ZBTB16: variants seen among roughly 807,000 people sequenced by gnomAD.
The protein encoded by ZBTB16 is zinc finger and BTB domain containing 16.
Under a neutral mutation model 56.8 loss-of-function variants are expected in ZBTB16, and 8 were observed. The observed-to-expected ratio is 0.14, with a 90% CI of 0.08 to 0.25. ZBTB16 has a LOEUF of 0.25. Ranked by LOEUF, ZBTB16 falls within the 10% of genes least tolerant of loss-of-function variation. The probability of loss-of-function intolerance (pLI) is 1.00; values close to 1 mark genes in which losing one functional copy is unlikely to be tolerated. For missense variants in ZBTB16, 625 were observed against 903.0 expected (o/e 0.69, Z 3.95); for synonymous variants, 363 against 368.5 (o/e 0.98, Z 0.17).
At chr11:114,124,950 C>G (rs1362209755) in intron 2 of ZBTB16, among the ~76,000 whole-genome samples, 1 of 152,108 alleles carries the variant, frequency 6.6e-6, no homozygotes, top group Non-Finnish European at 1.5e-5. Context: ...GTCATGCTCA[C>G]TCTCTTGCTC....
chr11:114,082,652 G>C (rs1017697772), intron 2 of ZBTB16, among the ~76,000 whole-genome samples: 1 of 152,058 alleles, frequency 6.6e-6, no homozygotes, highest in Non-Finnish European at 1.5e-5. Flanking sequence ...CAGCTCCTAA[G>C]GAGACCTCTC....
intron 2 of ZBTB16, among the ~76,000 whole-genome samples, chr11:114,106,832 C>T (rs1940808667): frequency 6.6e-6 from 1 of 152,140 alleles, no homozygotes; most frequent in South Asian, 2.1e-4. Flanking sequence ...TTTTATCCTG[C>T]TTCCAAAATG....
chr11:114,235,629 C>CCTTCCTTTCTTTCTTT lies in ZBTB16; in HGVS notation c.1454-6535_1454-6534insCCTTTCTTTCTTTCTT, dbSNP rs767837990. Among the ~76,000 whole-genome samples the CCTTCCTTTCTTTCTTT allele has an allele frequency of 3.4e-3, 330 of 97,788 alleles. 2 individuals are homozygous for CCTTCCTTTCTTTCTTT. Among genetic ancestry groups the CCTTCCTTTCTTTCTTT allele is most frequent in the African/African-American group, 0.011 (273 of 24,090 alleles). 64.2% of individuals were successfully genotyped at this position (97,788 alleles called of 152,430 possible). On this transcript the variant is annotated intron_variant, in intron 4 of 6. Coordinates refer to ENST00000335953, the MANE Select transcript of ZBTB16 (RefSeq NM_006006.6). The stretch of plus-strand genomic sequence containing the variant: ...CTCTTTCTTTCTTTCCCTCTCCCTT[C>CCTTCCTTTCTTTCTTT]CTTTCTTTCTTTCTTTCTTTCTTTC...
intron 2 of ZBTB16, among the ~76,000 whole-genome samples, chr11:114,086,700 T>C (rs1357976909): frequency 6.6e-6 from 1 of 152,188 alleles, no homozygotes; most frequent in Non-Finnish European, 1.5e-5. Context: ...TTAAAAGGAA[T>C]ACTTGGGTGC....
chr11:114,102,545 C>T (rs1391948334), intron 2 of ZBTB16, among the ~76,000 whole-genome samples: 1 of 151,372 alleles, frequency 6.6e-6, no homozygotes, highest in African/African-American at 2.4e-5. Flanking sequence ...GGTAAGTCCC[C>T]CCCACCCCCC....
chr11:114,237,819 C>G (rs1392501320), intron 4 of ZBTB16, among the ~76,000 whole-genome samples: 1 of 152,174 alleles, frequency 6.6e-6, no homozygotes, highest in Non-Finnish European at 1.5e-5. Context: ...ATCTCCCCCA[C>G]TTTTCCATTT....
rs1944905296 is a variant in ZBTB16 at position 114,250,805 on chromosome 11, G to A, written c.*250G>A. ...GGTTTGCCTGATTTTCTGGGATGGGGTTGGGTATTTTGTTCACTCAAATGG... is the reference window on the plus strand; with the variant it reads ...GGTTTGCCTGATTTTCTGGGATGGGATTGGGTATTTTGTTCACTCAAATGG... On this transcript the variant is annotated 3_prime_UTR_variant, in exon 7 of 7. Coordinates refer to ENST00000335953, the MANE Select transcript of ZBTB16 (RefSeq NM_006006.6). This position sits in a 1 kb window ranked among gnomAD's most constrained non-coding sequence, Gnocchi z 6.0. 4 of 560,750 alleles carry A rather than the reference G, an allele frequency of 7.1e-6. No homozygotes were observed. The South Asian group carries it at 8.2e-5, about 11-fold the overall frequency. The allele number at this position is 560,750 out of a possible 1,614,324, so 34.7% of individuals were successfully genotyped here. A position where few individuals can be genotyped will look rare whatever the true frequency, so the allele number is the denominator to read the frequency against.
rs539740266 is a variant in ZBTB16, at chr11:114,162,633, C to T, written c.1366+6199C>T. Among the ~76,000 whole-genome samples, 12 of 152,320 alleles carry T rather than the reference C, an allele frequency of 7.9e-5. No homozygotes were observed. In the South Asian group the frequency reaches 1.2e-3, roughly 16 times the overall value. ...CCAGCTATCCCTTCTGGTTAGCTTC[C>T]TACCATCAGGGCAAACCCGGGAGAT... is the stretch of plus-strand genomic sequence containing the variant. On this transcript the variant is annotated intron_variant, in intron 3 of 6. Coordinates refer to ENST00000335953, the MANE Select transcript of ZBTB16 (RefSeq NM_006006.6).
chr11:114,171,860 A>G (rs1942977597), intron 3 of ZBTB16, among the ~76,000 whole-genome samples: 1 of 152,278 alleles, frequency 6.6e-6, no homozygotes. Flanking sequence ...CGAAGCAGAA[A>G]TGTGGTGTTT....
intron 2 of ZBTB16, among the ~76,000 whole-genome samples, chr11:114,104,528 T>C (rs1487631837): frequency 6.6e-6 from 1 of 152,166 alleles, no homozygotes; most frequent in Non-Finnish European, 1.5e-5. Context: ...CTGGGGCCTC[T>C]AGGGAAGAGT....
At chr11:114,138,548 A>G (rs1941858779) in intron 2 of ZBTB16, among the ~76,000 whole-genome samples, 1 of 151,750 alleles carries the variant, frequency 6.6e-6, no homozygotes, top group African/African-American at 2.4e-5. Flanking sequence ...CCTTGAAGGC[A>G]TTGCCTGTGT....
At chr11:114,137,587 C>T (rs776890388) in intron 2 of ZBTB16, among the ~76,000 whole-genome samples, 41 of 152,234 alleles carry the variant, frequency 2.7e-4, no homozygotes, top group Non-Finnish European at 4.9e-4. Flanking sequence ...CCTTCCAGCC[C>T]GCTTGTGGAG....
chr11:114,249,828 A>G (rs569430265), intron 6 of ZBTB16, among the ~76,000 whole-genome samples: 1 of 148,118 alleles, frequency 6.8e-6, no homozygotes, highest in African/African-American at 2.5e-5. Context: ...GGTGCAGCAT[A>G]TTTGAAGGAC....
At chr11:114,168,891 C>T (rs1209240248) in intron 3 of ZBTB16, among the ~76,000 whole-genome samples, 1 of 152,190 alleles carries the variant, frequency 6.6e-6, no homozygotes, top group African/African-American at 2.4e-5. Flanking sequence ...TAGCCTCTTC[C>T]TGCTCTGCCA....
intron 4 of ZBTB16, chr11:114,209,915 C>A (rs1943961034): frequency 7.1e-6 from 7 of 985,426 alleles, no homozygotes; most frequent in Non-Finnish European, 8.4e-6. Flanking sequence ...CTGCTACAGT[C>A]TCAGGAATGC....
At chr11:114,233,119 ACACACACTCTCTCTCTCT>A (rs1434853951) in intron 4 of ZBTB16, among the ~76,000 whole-genome samples, 1 of 61,702 alleles carries the variant, frequency 1.6e-5, no homozygotes, top group Non-Finnish European at 3.9e-5. Context: ...ACACACACAC[ACACACACTCTCTCTCTCT>A]CACACTCCCT....
At chr11:114,192,990 C>G (rs914992089) in intron 4 of ZBTB16, among the ~76,000 whole-genome samples, 1 of 152,208 alleles carries the variant, frequency 6.6e-6, no homozygotes, top group African/African-American at 2.4e-5. Context: ...AGGCGGACCC[C>G]AGACATATGG....
At chr11:114,124,851 GA>G (rs1042757305) in intron 2 of ZBTB16, among the ~76,000 whole-genome samples, 7 of 152,296 alleles carry the variant, frequency 4.6e-5, no homozygotes, top group African/African-American at 1.4e-4. Context: ...AGTGCAGCAC[GA>G]GGGTGCTGTG....
chr11:114,170,256 GA>G (rs1459065520), intron 3 of ZBTB16, among the ~76,000 whole-genome samples: 4 of 152,248 alleles, frequency 2.6e-5, no homozygotes, highest in African/African-American at 9.6e-5. Flanking sequence ...CCTAGGTTGA[GA>G]AGACAGGTCA....
Sources: allele counts gnomAD v4.1 joint callset (sites outside exome capture counted in the v4.1 genomes callset), GRCh38; gene constraint gnomAD v4.1.1; non-coding constraint Gnocchi (gnomAD v3.1); transcripts MANE v1.5; gene names NCBI Gene and HGNC (gene_info 2026-07-23, HGNC 2026-07-21).